Variants in RGS12 observed in about 807,000 individuals in gnomAD.
RGS12 encodes the protein regulator of G-protein signaling 12.
RGS12 carries 66 observed loss-of-function variants against 120.1 expected under a neutral mutation model. The ratio of observed to expected loss-of-function variants is 0.55; its 90% confidence interval spans 0.45 to 0.67. The LOEUF (loss-of-function observed/expected upper bound fraction) is 0.67. Among genes scored for constraint, RGS12 ranks in the 30% least tolerant of loss-of-function variants. RGS12 has a pLI of 0.00. For missense variants in RGS12, 1,859 were observed against 1,957.7 expected, an observed-to-expected ratio of 0.95 and a Z score of 0.95; for synonymous variants, 827 against 804.7, an observed-to-expected ratio of 1.03 and a Z score of -0.47.
At chr4:3,412,485 G>A (rs551814583) in intron 4 of RGS12, among the ~76,000 whole-genome samples, 18 of 152,336 alleles carry the variant, frequency 1.2e-4, no homozygotes, top group Admixed American at 9.8e-4. Context: ...AATAAGATGT[G>A]TTCTATTTGC....
intron 8 of RGS12, 130 bp from the exon 9 acceptor site, chr4:3,417,258 C>A: frequency 7.6e-7 from 1 of 1,312,512 alleles, no homozygotes; most frequent in Non-Finnish European, 1.0e-6. Flanking sequence ...CAGGGCCACA[C>A]CATGACCTGT....
chr4:3,370,248 G>A (rs775829418), intron 3 of RGS12: 1 of 1,613,912 alleles, frequency 6.2e-7, no homozygotes, highest in Non-Finnish European at 8.5e-7. Context: ...CGGGTGCCTA[G>A]TGTGGCTCGG....
At chr4:3,412,804 G>A (rs958271929) in intron 4 of RGS12, among the ~76,000 whole-genome samples, 5 of 152,276 alleles carry the variant, frequency 3.3e-5, no homozygotes, top group African/African-American at 1.2e-4. Context: ...TGGCTCAGCT[G>A]CAGGCTAAGG....
intron 2 of RGS12, among the ~76,000 whole-genome samples, chr4:3,337,677 AGAGGGGGCCTGGGG>A (rs1317635298): frequency 1.3e-5 from 2 of 151,910 alleles, no homozygotes; most frequent in Non-Finnish European, 2.9e-5. Context: ...AGAAAGCGGG[AGAGGGGGCCTGGGG>A]GAGGGGAATG....
chr4:3,429,368 G>A lies in RGS12; in HGVS notation c.3565+657G>A, dbSNP rs570030522. 1.6e-4 allele frequency among the ~76,000 whole-genome samples: 24 copies of A among 152,248 alleles called. 1 individual carries two copies. Among genetic ancestry groups the A allele is most frequent in the South Asian group, 6.2e-4 (3 of 4,832 alleles). On this transcript the variant is annotated intron_variant, in intron 16 of 17. Transcript: ENST00000336727. Reference sequence around the variant, plus strand: ...CGTGACCTGAATTTTCATCCAGGGCGTACTTGCCAGTCCACCTGGCGTGTC... The same window carrying A: ...CGTGACCTGAATTTTCATCCAGGGCATACTTGCCAGTCCACCTGGCGTGTC...
intron 17 of RGS12, chr4:3,431,662 TA>T (rs1724319550): frequency 1.0e-6 from 1 of 985,566 alleles, no homozygotes; most frequent in African/African-American, 1.7e-5. Context: ...CAGCAGCCGG[TA>T]GGGAAAGGTG....
intron 10 of RGS12, among the ~76,000 whole-genome samples, chr4:3,421,056 A>G (rs959892302): frequency 6.6e-6 from 1 of 152,234 alleles, no homozygotes; most frequent in Admixed American, 6.5e-5. Context: ...CTAAGAATCA[A>G]CAGAAGGTGT....
intron 15 of RGS12, 93 bp downstream of exon 15, chr4:3,428,262 G>A (rs1254427788): frequency 8.7e-7 from 1 of 1,153,042 alleles, no homozygotes; most frequent in South Asian, 1.2e-5. Context: ...CTTACCGCCT[G>A]CTTATCACTG....
chr4:3,334,885 G>A (rs535162574), intron 2 of RGS12, among the ~76,000 whole-genome samples: 1 of 152,212 alleles, frequency 6.6e-6, no homozygotes, highest in East Asian at 1.9e-4. Context: ...TTGAGTCTTG[G>A]CTCTGGGATA....
chr4:3,421,742 C>T (rs908810629), intron 10 of RGS12, among the ~76,000 whole-genome samples: 2 of 152,212 alleles, frequency 1.3e-5, no homozygotes, highest in Non-Finnish European at 2.9e-5. Context: ...GGCTTGGAGC[C>T]GCTCCTTCTG....
At chr4:3,322,840 G>C (rs886073705) in intron 2 of RGS12, among the ~76,000 whole-genome samples, 1 of 152,154 alleles carries the variant, frequency 6.6e-6, no homozygotes, top group Non-Finnish European at 1.5e-5. Context: ...TCGTTTGTAG[G>C]TACTCCCAGG....
intron 7 of RGS12, 113 bp from the exon 8 acceptor site, chr4:3,416,800 T>C (rs962451515): frequency 2.2e-5 from 21 of 935,748 alleles, no homozygotes; most frequent in Admixed American, 4.7e-5. Context: ...ACTGAAACGA[T>C]GTCCTTTCAG....
intron 1 of RGS12, among the ~76,000 whole-genome samples, chr4:3,306,752 T>A (rs1723988863): frequency 6.6e-6 from 1 of 151,958 alleles, no homozygotes; most frequent in African/African-American, 2.4e-5. Flanking sequence ...GCACTCTGCT[T>A]CTGTTTGGGT....
chr4:3,423,159 G>C (rs990598111), intron 12 of RGS12, among the ~76,000 whole-genome samples, 181 bp downstream of exon 12: 1 of 152,212 alleles, frequency 6.6e-6, no homozygotes, highest in Admixed American at 6.5e-5. Flanking sequence ...AAGCCCGGGG[G>C]TGAGAGGCGC....
rs574252225 is a variant in RGS12 at position 3,414,645 on chromosome 4, GGCAGCTCACTGA to G, written c.2191-101_2191-90del. On this transcript the variant is annotated intron_variant, in intron 5 of 17. Coordinates refer to ENST00000336727, the MANE Select transcript of RGS12 (RefSeq NM_001394154.1). ...TGAGGTTTCTCTCTCCAGGCCCTCG[GGCAGCTCACTGA>G]GCAGCCAGTGACCCCGTGGTTTCTG... is the stretch of plus-strand genomic sequence containing the variant. The G allele has an allele frequency of 3.4e-3, 2,711 of 806,634 alleles. 8 individuals carry two copies. The highest frequency in any genetic ancestry group is 5.1e-3 in the Non-Finnish European group (2,407 of 470,880). 50.0% of individuals were successfully genotyped at this position (806,634 alleles called of 1,614,324 possible).
chr4:3,407,884 A>G (rs570894247), intron 4 of RGS12, among the ~76,000 whole-genome samples: 2 of 152,360 alleles, frequency 1.3e-5, no homozygotes, highest in East Asian at 1.9e-4. Flanking sequence ...CAATATATAC[A>G]TGGCGGCTTT....
intron 3 of RGS12, among the ~76,000 whole-genome samples, chr4:3,362,918 G>A (rs1193738947): frequency 6.8e-6 from 1 of 146,638 alleles, no homozygotes; most frequent in African/African-American, 2.5e-5. Flanking sequence ...TGCATGGCAA[G>A]GCCATTTGGA....
intron 6 of RGS12, among the ~76,000 whole-genome samples, chr4:3,415,711 C>T (rs377443960): frequency 2.0e-4 from 31 of 152,380 alleles, no homozygotes; most frequent in Non-Finnish European, 3.7e-4. Context: ...TGGCGACACA[C>T]GGCAGTATTG....
chr4:3,365,541 C>T lies in RGS12; in HGVS notation c.1999-20875C>T, dbSNP rs1472712079. 6.6e-6 allele frequency among the ~76,000 whole-genome samples: 1 copy of T among 152,110 alleles called. No individual in the cohort carries two copies. Among genetic ancestry groups the T allele is most frequent in the Non-Finnish European group, 1.5e-5 (1 of 68,028 alleles). ...GCAAAAACCGACGGAGCCCTGAGTC[C>T]GACCTAAGCCTTAGTGTGAGTCGGA... On this transcript the variant is annotated intron_variant, in intron 3 of 17. Coordinates refer to ENST00000336727, the MANE Select transcript of RGS12 (RefSeq NM_001394154.1). This position sits in a 1 kb window ranked among gnomAD's most constrained non-coding sequence, Gnocchi z 4.0.
Sources: allele counts gnomAD v4.1 joint callset (sites outside exome capture counted in the v4.1 genomes callset), GRCh38; gene constraint gnomAD v4.1.1; non-coding constraint Gnocchi (gnomAD v3.1); transcripts MANE v1.5; gene names NCBI Gene and HGNC (gene_info 2026-07-23, HGNC 2026-07-21).